Variants in NRXN2 observed in about 807,000 individuals in gnomAD.
NRXN2 encodes the protein neurexin-2-beta.
Under a neutral mutation model 128.8 loss-of-function variants are expected in NRXN2, and 29 were observed. That is an observed-to-expected ratio of 0.23 (90% confidence interval 0.17 to 0.31). NRXN2 has a LOEUF of 0.31. NRXN2 is among the 10% of genes least tolerant of loss of function. The pLI, the probability that NRXN2 is intolerant of heterozygous loss-of-function variation, is 1.00. For missense variants in NRXN2, 1,881 were observed against 2,452.6 expected (o/e 0.77, Z 4.92); for synonymous variants, 1,098 against 1,075.2 (o/e 1.02, Z -0.41).
Position 64,629,099 on chromosome 11 carries a change from G to A in NRXN2, c.3757+1303C>T, listed in dbSNP as rs556774208. On this transcript the variant is annotated intron_variant, in intron 19 of 22. Coordinates refer to ENST00000265459, the MANE Select transcript of NRXN2 (RefSeq NM_015080.4). ...TACTGGCATCTTTACTCCAGCATAG[G>A]TGAGCCCATGAAAGTTTACACATTG... Among the ~76,000 whole-genome samples the A allele has an allele frequency of 2.6e-5, 4 of 152,270 alleles. No individual in the cohort carries two copies. In the South Asian group the frequency reaches 8.3e-4, roughly 32 times the overall value.
chr11:64,648,292 G>A lies in NRXN2; in HGVS notation c.3330C>T (p.Val1110=), dbSNP rs749078279. 4.3e-6 allele frequency: 7 copies of A among 1,614,112 alleles called. No individual in the cohort carries two copies. In the Admixed American group the frequency reaches 8.3e-5, roughly 19 times the overall value. Residue 1110 remains valine (V), a synonymous_variant, in exon 17 of 23, where the codon GTC becomes GTT. Transcript: ENST00000265459. The surrounding 1 kb of genome is among the most constrained non-coding windows in gnomAD (Gnocchi z 4.1). The part of the protein sequence containing the change: ...CTEESCANQG[V]CLQQWDGFTC... ...TGAAGCCATCCCACTGCTGCAAGCA[G>A]ACGCCCTGGTTGGCACAGGACTCTT...
chr11:64,668,387 AG>A lies in NRXN2; in HGVS notation c.1359+55del, dbSNP rs145920531. 1,398 of 1,603,068 alleles carry A rather than the reference AG, an allele frequency of 8.7e-4. 2 individuals are homozygous for A. Among genetic ancestry groups the A allele is most frequent in the Non-Finnish European group, 1.1e-3 (1,284 of 1,175,406 alleles). On this transcript the variant is annotated intron_variant, in intron 8 of 22. Coordinates refer to ENST00000265459, the MANE Select transcript of NRXN2 (RefSeq NM_015080.4). ...GCCAGGTCAGACTAAGTCACGCTGA[AG>A]ACAGGAGACAAAGGGCTCCTGAACA... is the stretch of plus-strand genomic sequence containing the variant.
rs193143179 is a variant in NRXN2 at position 64,607,757 on chromosome 11, G to A, written c.4578C>T (p.Leu1526=). The change falls in exon 23 of 23, where the codon CTC becomes CTT. Residue 1526 remains leucine, a synonymous_variant. Coordinates refer to ENST00000265459, the MANE Select transcript of NRXN2 (RefSeq NM_015080.4). The part of the protein sequence containing the change: ...TFPLVTDRTT[L]LSPRKPAPRP... ...GGGGAGCGGGTTTGCGGGGTGACAG[G>A]AGGGTGGTGCGGTCCGTGACCAGGG... is the stretch of plus-strand genomic sequence containing the variant. 8.8e-6 allele frequency: 14 copies of A among 1,584,544 alleles called. No individual in the cohort carries two copies. Among genetic ancestry groups the A allele is most frequent in the African/African-American group, 5.4e-5 (4 of 74,138 alleles).
chr11:64,712,775 G>GC, intron 2 of NRXN2, 195 bp downstream of exon 2: 1 of 647,414 alleles, frequency 1.5e-6, no homozygotes, highest in Non-Finnish European at 2.9e-6. Flanking sequence ...CCGCCCACTC[G>GC]CCCCGCCCAC....
intron 2 of NRXN2, among the ~76,000 whole-genome samples, chr11:64,709,609 T>C (rs2056694475): frequency 1.3e-5 from 2 of 152,156 alleles, no homozygotes; most frequent in Admixed American, 1.3e-4. Context: ...TGAAAATATA[T>C]ACATACATGT....
At position 64,631,068 on chromosome 11, in the gene NRXN2, G is replaced by A. The variant is rs1229865241; in HGVS notation, c.3586-495C>T. ...TCCTCCCTGGTATGCTCTGTACCAA[G>A]CAGGCCCCCAGGGGGCTTCCACCCA... On this transcript the variant is annotated intron_variant, in intron 18 of 22. Transcript: ENST00000265459. The surrounding 1 kb of genome is among the most constrained non-coding windows in gnomAD (Gnocchi z 4.8). 6.6e-6 allele frequency among the ~76,000 whole-genome samples: 1 copy of A among 152,218 alleles called. No homozygotes were observed. The highest frequency in any genetic ancestry group is 6.5e-5 in the Admixed American group (1 of 15,292).
intron 2 of NRXN2, among the ~76,000 whole-genome samples, chr11:64,705,156 A>G (rs1006158579): frequency 6.6e-6 from 1 of 152,192 alleles, no homozygotes; most frequent in Non-Finnish European, 1.5e-5. Flanking sequence ...TAGGGTAGTT[A>G]CTGGTTTCTG....
At chr11:64,708,960 T>C (rs1339031824) in intron 2 of NRXN2, among the ~76,000 whole-genome samples, 1 of 151,924 alleles carries the variant, frequency 6.6e-6, no homozygotes, top group African/African-American at 2.4e-5. Flanking sequence ...GAGAGGCCAA[T>C]GCGGGCGGAT....
chr11:64,702,181 G>A (rs1337771400), intron 2 of NRXN2, among the ~76,000 whole-genome samples: 2 of 150,286 alleles, frequency 1.3e-5, no homozygotes, highest in Non-Finnish European at 3.0e-5. Flanking sequence ...GGGAGGTGGA[G>A]GGGTCAGCCC....
At chr11:64,704,061 C>T (rs957367956) in intron 2 of NRXN2, among the ~76,000 whole-genome samples, 2 of 152,080 alleles carry the variant, frequency 1.3e-5, no homozygotes, top group Admixed American at 1.3e-4. Context: ...TCTATACCAC[C>T]CTCTAGAGAA....
intron 6 of NRXN2, among the ~76,000 whole-genome samples, chr11:64,680,722 T>C (rs75374475): frequency 0.077 from 11,789 of 152,186 alleles, 583 homozygotes; most frequent in Middle Eastern, 0.12. Context: ...TACAGTGCAA[T>C]CTGAGAAACG....
At chr11:64,652,663 C>A (rs1034809161) in intron 12 of NRXN2, among the ~76,000 whole-genome samples, 1 of 152,176 alleles carries the variant, frequency 6.6e-6, no homozygotes, top group African/African-American at 2.4e-5. Flanking sequence ...GCCTCTGTTA[C>A]ACAGACACCA....
At chr11:64,674,780 A>G (rs2051077847) in intron 7 of NRXN2, among the ~76,000 whole-genome samples, 1 of 152,254 alleles carries the variant, frequency 6.6e-6, no homozygotes, top group African/African-American at 2.4e-5. Context: ...TGAGATAACC[A>G]GTTAACATTT....
At chr11:64,665,506 C>T (rs1490503467) in intron 9 of NRXN2, among the ~76,000 whole-genome samples, 1 of 152,200 alleles carries the variant, frequency 6.6e-6, no homozygotes, top group African/African-American at 2.4e-5. Context: ...GGTAGAAACC[C>T]TGTGGGGCAG....
chr11:64,712,440 GC>G (rs2057015213), intron 2 of NRXN2, among the ~76,000 whole-genome samples: 1 of 139,086 alleles, frequency 7.2e-6, no homozygotes, highest in Non-Finnish European at 1.5e-5. Context: ...ACGAGGTCCC[GC>G]CCCCTGTCTC....
Position 64,713,320 on chromosome 11 carries a change from G to A in NRXN2, c.380C>T (p.Ala127Val). ...GGCGGCGCGGGCCTCGCCGTCCACC[G>A]CCAGCGCCGTGCGGCGCGCGTCGCG... Reference protein sequence around the residue: ...LTRDARRTALAVDGEARAAEV... With the variant: ...LTRDARRTALVVDGEARAAEV... Residue 127 changes from alanine (A) to valine (V), a missense_variant, in exon 2 of 23, where the codon GCG (alanine) becomes GTG (valine). Ala to Val is a moderately conservative substitution (Grantham distance 64). Transcript: ENST00000265459. 1 of 1,371,150 alleles carries A rather than the reference G, an allele frequency of 7.3e-7. No homozygotes were observed. Among genetic ancestry groups the A allele is most frequent in the Non-Finnish European group, 9.3e-7 (1 of 1,069,774 alleles). 84.9% of individuals were successfully genotyped at this position (1,371,150 alleles called of 1,614,324 possible).
intron 5 of NRXN2, among the ~76,000 whole-genome samples, chr11:64,687,860 A>G (rs1377130348): frequency 6.6e-6 from 1 of 152,206 alleles, no homozygotes; most frequent in African/African-American, 2.4e-5. Context: ...TCTAGGGAAC[A>G]GAAGCCAAGG....
chr11:64,607,180 G>A lies in NRXN2; in HGVS notation c.*16C>T. On this transcript the variant is annotated 3_prime_UTR_variant, in exon 23 of 23. Transcript: ENST00000265459. ...CCCAGGAGGGGCAGCTGGCAGTGGG[G>A]CGCAGTGCCGGGGGCTCAGACATAA... The A allele has an allele frequency of 6.2e-7, 1 of 1,609,570 alleles. No individual in the cohort carries two copies. The highest frequency in any genetic ancestry group is 8.5e-7 in the Non-Finnish European group (1 of 1,176,904).
chr11:64,626,466 T>C lies in NRXN2; in HGVS notation c.3844A>G (p.Lys1282Glu). ...TTAATTAATTCTGGTTAATTACCTT[T>C]GTCGAGCAGCCACTCATCTACTACT... ...GRVVDEWLLD[K>E]GRQLTIFNSQ... is the part of the protein sequence containing the mutation. Residue 1282 changes from lysine (K) to glutamate (E), a missense_variant, in exon 20 of 23, where the codon AAA becomes GAA. Physicochemically the swap from Lys to Glu is moderately conservative, Grantham distance 56. Coordinates refer to ENST00000265459, the MANE Select transcript of NRXN2 (RefSeq NM_015080.4). The C allele has an allele frequency of 6.2e-7, 1 of 1,608,270 alleles. No homozygotes were observed. Among genetic ancestry groups the C allele is most frequent in the Non-Finnish European group, 8.5e-7 (1 of 1,174,630 alleles).
Sources: allele counts gnomAD v4.1 joint callset (sites outside exome capture counted in the v4.1 genomes callset), GRCh38; gene constraint gnomAD v4.1.1; non-coding constraint Gnocchi (gnomAD v3.1); transcripts MANE v1.5; gene names NCBI Gene and HGNC (gene_info 2026-07-23, HGNC 2026-07-21).